SFMBT2: variants seen among roughly 807,000 people sequenced by gnomAD.
The protein encoded by SFMBT2 is Scm like with four mbt domains 2, also known as scm-like with four MBT domains protein 2.
Under a neutral mutation model 110.1 loss-of-function variants are expected in SFMBT2, and 38 were observed. The observed-to-expected ratio is 0.35, with a 90% confidence interval of 0.27 to 0.45. SFMBT2 has a LOEUF of 0.45. Among genes scored for constraint, SFMBT2 ranks in the 20% least tolerant of loss-of-function variants. The pLI, the probability that SFMBT2 is intolerant of heterozygous loss-of-function variation, is 1.00. For missense variants in SFMBT2, 1,011 were observed against 1,094.9 expected (o/e 0.92, Z 1.08); for synonymous variants, 425 against 425.4 (o/e 1.00, Z 0.01).
intron 16 of SFMBT2, among the ~76,000 whole-genome samples, chr10:7,184,604 C>G (rs1838341192): frequency 6.6e-6 from 1 of 151,956 alleles, no homozygotes; most frequent in Admixed American, 6.6e-5. Context: ...AAAACAAAAA[C>G]AGAGTGAAAA....
intron 4 of SFMBT2, among the ~76,000 whole-genome samples, chr10:7,308,726 G>A (rs908063753): frequency 1.3e-5 from 2 of 152,146 alleles, no homozygotes; most frequent in Admixed American, 6.5e-5. Context: ...AAACATTAAC[G>A]TGCTGGGGAA....
chr10:7,188,504 C>T (rs1452979112), intron 16 of SFMBT2, 120 bp downstream of exon 16: 10 of 729,604 alleles, frequency 1.4e-5, no homozygotes, highest in African/African-American at 3.5e-5. Flanking sequence ...AACTGCAGAA[C>T]GAACGTCCTT....
At chr10:7,186,425 T>TACACATACACAC (rs1554782947) in intron 16 of SFMBT2, among the ~76,000 whole-genome samples, 65 of 109,360 alleles carry the variant, frequency 5.9e-4, no homozygotes, top group Middle Eastern at 4.4e-3. Context: ...ATACTATATA[T>TACACATACACAC]ACACACACAC....
intron 7 of SFMBT2, among the ~76,000 whole-genome samples, chr10:7,266,414 C>T (rs1841393922): frequency 1.3e-5 from 2 of 152,148 alleles, no homozygotes. Context: ...TTTAAGCAGA[C>T]ACCCGTAGGA....
At chr10:7,277,639 G>C (rs1437205891) in intron 6 of SFMBT2, among the ~76,000 whole-genome samples, 1 of 150,118 alleles carries the variant, frequency 6.7e-6, no homozygotes, top group African/African-American at 2.5e-5. Context: ...AAAATTAAAA[G>C]GAAAAAAAAA....
chr10:7,215,248 A>C (rs1721293820), intron 11 of SFMBT2, among the ~76,000 whole-genome samples: 1 of 152,108 alleles, frequency 6.6e-6, no homozygotes, highest in Non-Finnish European at 1.5e-5. Flanking sequence ...CTAAAAATAC[A>C]AAAGAAATTA....
At chr10:7,287,374 C>T (rs1314105046) in intron 4 of SFMBT2, 9 of 243,842 alleles carry the variant, frequency 3.7e-5, no homozygotes, top group South Asian at 3.0e-4. Flanking sequence ...CCACCGCACC[C>T]GGCCAAGGCA....
intron 2 of SFMBT2, chr10:7,370,851 G>C (rs752304313): frequency 2.1e-5 from 20 of 969,026 alleles, no homozygotes; most frequent in Non-Finnish European, 2.5e-5. Flanking sequence ...AGGGGAAAAA[G>C]AGAAAATGAG....
chr10:7,370,348 C>A lies in SFMBT2; in HGVS notation c.128G>T (p.Gly43Val), dbSNP rs1463605866. The change falls in exon 3 of 21, where the codon GGC becomes GTC. Residue 43 changes from glycine to valine, a missense_variant. Gly to Val is a moderately radical substitution (Grantham distance 109). This residue lies in a region of SFMBT2 where 979 missense variants were observed against 1,016.1 expected (regional missense o/e 0.96). Coordinates refer to ENST00000397167, the MANE Select transcript of SFMBT2 (RefSeq NM_001387889.1). ...SEEGSSLEET[G>V]FNWGEYLEET... ...TTCCAAATATTCTCCCCAGTTAAAG[C>A]CAGTTTCCTCCAAGCTTGAGCCTTC... 3.1e-6 allele frequency: 5 copies of A among 1,613,988 alleles called. No homozygotes were observed. The Admixed American group carries it at 6.7e-5, about 22-fold the overall frequency.
Position 7,220,168 on chromosome 10 carries a change from G to A in SFMBT2, c.1330+243C>T, listed in dbSNP as rs187119949. On this transcript the variant is annotated intron_variant, in intron 11 of 20. Coordinates refer to ENST00000397167, the MANE Select transcript of SFMBT2 (RefSeq NM_001387889.1). ...TAATCATAGATGTAAAAAGACCACT[G>A]TGTTCCAAACATAATTATCTTGCCA... Among the ~76,000 whole-genome samples, 5 of 152,262 alleles carry A rather than the reference G, an allele frequency of 3.3e-5. No individual in the cohort carries two copies. In the East Asian group the frequency reaches 7.7e-4, roughly 23 times the overall value.
At position 7,301,327 on chromosome 10, in the gene SFMBT2, G is replaced by A. The variant is rs1159623326; in HGVS notation, c.437-15373C>T. 1.3e-5 allele frequency among the ~76,000 whole-genome samples: 2 copies of A among 152,244 alleles called. No homozygotes were observed. The highest frequency in any genetic ancestry group is 2.9e-5 in the Non-Finnish European group (2 of 68,048). On this transcript the variant is annotated intron_variant, in intron 4 of 20. Coordinates refer to ENST00000397167, the MANE Select transcript of SFMBT2 (RefSeq NM_001387889.1). The surrounding 1 kb of genome is among the most constrained non-coding windows in gnomAD (Gnocchi z 4.2). Reference sequence around the variant, plus strand: ...GACTAGTTGCCAGTCCCTCTACAGGGATCGTTTTGAAAGGAGAGATGCCAC... The same window carrying A: ...GACTAGTTGCCAGTCCCTCTACAGGAATCGTTTTGAAAGGAGAGATGCCAC...
chr10:7,239,047 G>C (rs543877348), intron 9 of SFMBT2, among the ~76,000 whole-genome samples: 2 of 152,300 alleles, frequency 1.3e-5, no homozygotes, highest in South Asian at 4.1e-4. Context: ...TAGCTCACTT[G>C]TCTCTAAGGT....
At chr10:7,406,303 T>G (rs899266109) in intron 1 of SFMBT2, among the ~76,000 whole-genome samples, 8 of 152,166 alleles carry the variant, frequency 5.3e-5, no homozygotes, top group African/African-American at 1.9e-4. Context: ...TTTTTAGGCA[T>G]AAGTGTAGGG....
chr10:7,295,464 C>T (rs963947146), intron 4 of SFMBT2, among the ~76,000 whole-genome samples: 1 of 152,276 alleles, frequency 6.6e-6, no homozygotes, highest in Middle Eastern at 3.4e-3. Context: ...CAGACTTAGA[C>T]GGCTTTAGGA....
intron 4 of SFMBT2, among the ~76,000 whole-genome samples, chr10:7,363,403 C>T (rs1844788284): frequency 6.6e-6 from 1 of 151,818 alleles, no homozygotes; most frequent in South Asian, 2.1e-4. Context: ...GGCTGGAGTG[C>T]AGTGGCGCGA....
chr10:7,285,223 A>G (rs1355285611), intron 5 of SFMBT2: 2 of 152,216 alleles, frequency 1.3e-5, no homozygotes, highest in African/African-American at 4.8e-5. Flanking sequence ...CCATTATACA[A>G]ATACAAATAC....
At chr10:7,312,428 G>C (rs188690637) in intron 4 of SFMBT2, among the ~76,000 whole-genome samples, 111 of 152,246 alleles carry the variant, frequency 7.3e-4, no homozygotes, top group African/African-American at 2.5e-3. Flanking sequence ...AAAGCACAAG[G>C]GAGCAGCACA....
intron 15 of SFMBT2, among the ~76,000 whole-genome samples, chr10:7,196,670 T>C (rs1260740601): frequency 1.3e-5 from 2 of 152,246 alleles, no homozygotes; most frequent in African/African-American, 4.8e-5. Context: ...ATTTGTTCAA[T>C]GGATCAATGG....
At position 7,337,997 on chromosome 10, in the gene SFMBT2, C is replaced by A. The variant is rs1374103274; in HGVS notation, c.436+29652G>T. Among the ~76,000 whole-genome samples the A allele has an allele frequency of 6.6e-5, 10 of 152,372 alleles. No individual in the cohort carries two copies. In the South Asian group the frequency reaches 2.1e-3, roughly 32 times the overall value. On this transcript the variant is annotated intron_variant, in intron 4 of 20. Coordinates refer to ENST00000397167, the MANE Select transcript of SFMBT2 (RefSeq NM_001387889.1). ...ACATCTGCTAACTCAGAGCTTTTCA[C>A]TGAGGTCTTTAACACTTTGATGTCT...
Sources: allele counts gnomAD v4.1 joint callset (sites outside exome capture counted in the v4.1 genomes callset), GRCh38; gene constraint gnomAD v4.1.1; regional missense constraint gnomAD v4.1.1; non-coding constraint Gnocchi (gnomAD v3.1); transcripts MANE v1.5; gene names NCBI Gene and HGNC (gene_info 2026-07-23, HGNC 2026-07-21).